Variants in CEMIP observed in about 807,000 individuals in gnomAD.
The protein encoded by CEMIP is cell migration-inducing and hyaluronan-binding protein.
A neutral mutation model predicts 156.9 loss-of-function variants in CEMIP; 105 were observed. The observed-to-expected ratio is 0.67, with a 90% CI of 0.57 to 0.79. The LOEUF (loss-of-function observed/expected upper bound fraction) is 0.79, where lower values mean the gene tolerates loss of function less well. Among genes scored for constraint, CEMIP ranks in the 30% least tolerant of loss-of-function variants. CEMIP has a pLI of 0.00. For missense variants in CEMIP, 1,457 were observed against 1,769.4 expected, an observed-to-expected ratio of 0.82 and a Z score of 3.17; for synonymous variants, 676 against 668.4, an observed-to-expected ratio of 1.01 and a Z score of -0.17.
At chr15:80,858,281 A>G (rs1897900132) in intron 1 of CEMIP, among the ~76,000 whole-genome samples, 1 of 152,206 alleles carries the variant, frequency 6.6e-6, no homozygotes, top group Non-Finnish European at 1.5e-5. Context: ...ATTCTTTCCA[A>G]TGTGGGTCAC....
At chr15:80,874,243 G>A (rs1898396491) in intron 3 of CEMIP, among the ~76,000 whole-genome samples, 1 of 152,248 alleles carries the variant, frequency 6.6e-6, no homozygotes, top group African/African-American at 2.4e-5. Context: ...ACACAAATGA[G>A]TGAAGCTGAC....
intron 7 of CEMIP, among the ~76,000 whole-genome samples, chr15:80,885,740 G>A (rs1272821102): frequency 6.6e-6 from 1 of 152,150 alleles, no homozygotes; most frequent in African/African-American, 2.4e-5. Flanking sequence ...AGGACTATAG[G>A]ACAATTAAAT....
At chr15:80,815,746 C>A (rs1329011771) in intron 1 of CEMIP, among the ~76,000 whole-genome samples, 3 of 152,016 alleles carry the variant, frequency 2.0e-5, no homozygotes, top group African/African-American at 7.3e-5. Context: ...TTTGGAAAGC[C>A]AAAGAAATAT....
Position 80,942,011 on chromosome 15 carries a change from C to T in CEMIP, c.3570C>T (p.Val1190=), listed in dbSNP as rs761270883. 3.7e-6 allele frequency: 6 copies of T among 1,613,700 alleles called. No homozygotes were observed. The Admixed American group carries it at 6.7e-5, about 18-fold the overall frequency. The stretch of plus-strand genomic sequence containing the variant: ...ACCCCAAGTTCACCGAGAGGGCTGT[C>T]GTAGACGTGCCGATGCCCAAGAAGC... ...TAYPKFTERA[V]VDVPMPKKLF... Residue 1190 remains valine, a synonymous_variant, in exon 26 of 30, where the codon GTC becomes GTT. Transcript: ENST00000394685.
At chr15:80,851,046 G>A (rs1897704570) in intron 1 of CEMIP, among the ~76,000 whole-genome samples, 1 of 152,210 alleles carries the variant, frequency 6.6e-6, no homozygotes, top group African/African-American at 2.4e-5. Flanking sequence ...CAGGATCCTG[G>A]GAAGCAACTC....
intron 1 of CEMIP, among the ~76,000 whole-genome samples, chr15:80,815,716 G>A (rs1896775448): frequency 6.6e-6 from 1 of 152,076 alleles, no homozygotes; most frequent in African/African-American, 2.4e-5. Flanking sequence ...TAAAGATCAT[G>A]TTTTATTAAT....
intron 10 of CEMIP, among the ~76,000 whole-genome samples, chr15:80,891,682 T>C (rs372430719): frequency 2.0e-5 from 3 of 152,210 alleles, no homozygotes; most frequent in East Asian, 3.9e-4. Flanking sequence ...ATAAGAGTCA[T>C]GTGCCTCCAA....
At chr15:80,885,096 A>T (rs1482829402) in intron 7 of CEMIP, among the ~76,000 whole-genome samples, 1 of 151,940 alleles carries the variant, frequency 6.6e-6, no homozygotes, top group Non-Finnish European at 1.5e-5. Flanking sequence ...GCCAAGCCCC[A>T]GTGTGTGTTG....
intron 7 of CEMIP, among the ~76,000 whole-genome samples, chr15:80,887,267 G>C (rs1005814351): frequency 6.6e-6 from 1 of 152,050 alleles, no homozygotes; most frequent in Non-Finnish European, 1.5e-5. Context: ...TATTTTCCTC[G>C]AGCTCAACTC....
Position 80,932,886 on chromosome 15 carries a change from C to G in CEMIP, c.2794-359C>G, listed in dbSNP as rs1900976294. Among the ~76,000 whole-genome samples, 2 of 152,218 alleles carry G rather than the reference C, an allele frequency of 1.3e-5. 1 individual carries two copies. Among genetic ancestry groups the G allele is most frequent in the South Asian group, 4.1e-4 (2 of 4,820 alleles). On this transcript the variant is annotated intron_variant, in intron 22 of 29. Transcript: ENST00000394685. This position sits in a 1 kb window ranked among gnomAD's most constrained non-coding sequence, Gnocchi z 4.5. ...TACCCTTTCTCATACACACATCACCCCCACCTCCCTCTCACACACAGTCAC... is the reference window on the plus strand; with the variant it reads ...TACCCTTTCTCATACACACATCACCGCCACCTCCCTCTCACACACAGTCAC...
intron 1 of CEMIP, among the ~76,000 whole-genome samples, chr15:80,861,723 C>T (rs1273443764): frequency 1.3e-5 from 2 of 152,222 alleles, no homozygotes; most frequent in Non-Finnish European, 2.9e-5. Flanking sequence ...CCAGAAGAAA[C>T]GCCAAGCCAA....
At chr15:80,794,080 A>G (rs1896154154) in intron 1 of CEMIP, among the ~76,000 whole-genome samples, 1 of 152,208 alleles carries the variant, frequency 6.6e-6, no homozygotes, top group Admixed American at 6.5e-5. Flanking sequence ...TTGAGGTCAA[A>G]GACCCTCCAG....
At chr15:80,783,364 A>G (rs1222465959) in intron 1 of CEMIP, among the ~76,000 whole-genome samples, 1 of 152,232 alleles carries the variant, frequency 6.6e-6, no homozygotes, top group African/African-American at 2.4e-5. Context: ...TTTCTACATG[A>G]TGGCACATAC....
chr15:80,917,918 T>G (rs919086798), intron 14 of CEMIP, among the ~76,000 whole-genome samples: 1 of 151,964 alleles, frequency 6.6e-6, no homozygotes, highest in South Asian at 2.1e-4. Flanking sequence ...GGATATGGAG[T>G]GTGGTCTGAT....
At chr15:80,900,586 GTGT>G (rs1370394259) in intron 12 of CEMIP, among the ~76,000 whole-genome samples, 11 of 29,192 alleles carry the variant, frequency 3.8e-4, no homozygotes, top group African/African-American at 9.7e-4. Context: ...CCAGGTAGGG[GTGT>G]GTGTGTGTGT....
chr15:80,868,370 A>G (rs1269366103), intron 1 of CEMIP, among the ~76,000 whole-genome samples: 1 of 152,110 alleles, frequency 6.6e-6, no homozygotes, highest in African/African-American at 2.4e-5. Flanking sequence ...TATTGTTCCC[A>G]TTTTACAGAA....
Position 80,862,565 on chromosome 15 carries a change from A to G in CEMIP, c.-175-10973A>G, listed in dbSNP as rs558301198. Among the ~76,000 whole-genome samples the G allele has an allele frequency of 3.3e-5, 5 of 152,280 alleles. No individual in the cohort carries two copies. In the East Asian group the frequency reaches 9.7e-4, roughly 30 times the overall value. ...CAGGTCACCTGGCTGTGGAACATGT[A>G]ACTGAGCATGGACTCTCCCTCTCCA... is the stretch of plus-strand genomic sequence containing the variant. On this transcript the variant is annotated intron_variant, in intron 1 of 29. Coordinates refer to ENST00000394685, the MANE Select transcript of CEMIP (RefSeq NM_001293298.2).
intron 1 of CEMIP, among the ~76,000 whole-genome samples, chr15:80,822,564 C>G (rs1421574257): frequency 1.3e-5 from 2 of 152,122 alleles, no homozygotes; most frequent in African/African-American, 4.8e-5. Context: ...CCTTGATTTT[C>G]CACATGAAGG....
intron 12 of CEMIP, chr15:80,897,328 T>C (rs944453984): frequency 8.8e-6 from 4 of 455,934 alleles, no homozygotes; most frequent in Admixed American, 4.7e-5. Flanking sequence ...TGAGATGTGC[T>C]TGTGGAAGAA....
Sources: gnomAD v4.1 joint callset for allele counts (sites outside exome capture counted in the v4.1 genomes callset) on GRCh38, gnomAD v4.1.1 for gene constraint, Gnocchi (gnomAD v3.1) non-coding constraint, MANE v1.5 for transcripts, NCBI Gene and HGNC (gene_info 2026-07-23, HGNC 2026-07-21) for gene names.